Variants in OTUD7A observed in about 807,000 individuals in gnomAD.
OTUD7A encodes the protein OTU domain-containing protein 7A.
A neutral mutation model predicts 65.7 loss-of-function variants in OTUD7A; 12 were observed. The ratio of observed to expected loss-of-function variants is 0.18; its 90% confidence interval spans 0.12 to 0.30. The LOEUF is 0.30. OTUD7A is among the 10% of genes least tolerant of loss of function. OTUD7A has a pLI of 1.00. For synonymous variants in OTUD7A, 641 were observed against 586.3 expected (o/e 1.09, Z -1.35); for missense variants, 1,148 against 1,304.8 (o/e 0.88, Z 1.85).
At chr15:31,499,430 C>T (rs191815118) in intron 10 of OTUD7A, among the ~76,000 whole-genome samples, 6 of 152,332 alleles carry the variant, frequency 3.9e-5, no homozygotes, top group African/African-American at 7.2e-5. Context: ...TGCGACTTTG[C>T]GGTCTGGCCA....
At chr15:31,723,292 AT>A (rs2141351172) in intron 1 of OTUD7A, among the ~76,000 whole-genome samples, 1 of 151,712 alleles carries the variant, frequency 6.6e-6, no homozygotes, top group South Asian at 2.1e-4. Flanking sequence ...TCACCACACA[AT>A]CTGCCCTTGT....
intron 1 of OTUD7A, among the ~76,000 whole-genome samples, chr15:31,777,907 G>A (rs1895429813): frequency 6.6e-6 from 1 of 152,212 alleles, no homozygotes. Context: ...CAAGGCAGTG[G>A]CAGAGGGCAG....
At chr15:31,526,756 G>A (rs16956836) in intron 7 of OTUD7A, among the ~76,000 whole-genome samples, 6,371 of 152,254 alleles carry the variant, frequency 0.042, 277 homozygotes, top group African/African-American at 0.1. Flanking sequence ...GGGGCTGGCC[G>A]TTCAGATTCT....
At chr15:31,825,643 C>T (rs1178014887) in intron 1 of OTUD7A, among the ~76,000 whole-genome samples, 2 of 152,198 alleles carry the variant, frequency 1.3e-5, no homozygotes, top group Non-Finnish European at 2.9e-5. Context: ...AACAGTCCCC[C>T]AAAGTCTTAA....
intron 1 of OTUD7A, among the ~76,000 whole-genome samples, chr15:31,753,130 G>T (rs1211936595): frequency 1.3e-5 from 2 of 152,192 alleles, no homozygotes; most frequent in East Asian, 3.9e-4. Flanking sequence ...GCAGTTTGAT[G>T]CCACAAGCTT....
intron 1 of OTUD7A, among the ~76,000 whole-genome samples, chr15:31,725,949 C>A (rs1422023528): frequency 6.6e-6 from 1 of 152,100 alleles, no homozygotes; most frequent in African/African-American, 2.4e-5. Flanking sequence ...CTAACTTAAA[C>A]TAATTGAAAG....
At chr15:31,718,697 C>A (rs1240606274) in intron 1 of OTUD7A, among the ~76,000 whole-genome samples, 2 of 122,460 alleles carry the variant, frequency 1.6e-5, no homozygotes, top group East Asian at 4.1e-4. Flanking sequence ...AAACAGCCCA[C>A]TTAGAAGCTT....
chr15:31,850,078 TA>T (rs139231919), intron 1 of OTUD7A, among the ~76,000 whole-genome samples: 2,374 of 152,282 alleles, frequency 0.016, 64 homozygotes, highest in African/African-American at 0.054. Flanking sequence ...CCCAAAGGAT[TA>T]TAAATCATGC....
chr15:31,607,756 GGT>G (rs1342943601), intron 3 of OTUD7A, among the ~76,000 whole-genome samples: 5 of 152,164 alleles, frequency 3.3e-5, no homozygotes, highest in Admixed American at 2.0e-4. Context: ...ATGCTGTACA[GGT>G]TTGTAGCCTA....
At chr15:31,750,177 G>A (rs1304934736) in intron 1 of OTUD7A, among the ~76,000 whole-genome samples, 1 of 152,130 alleles carries the variant, frequency 6.6e-6, no homozygotes, top group East Asian at 1.9e-4. Context: ...GGAGGCTGAG[G>A]CGGGTGGATC....
intron 3 of OTUD7A, among the ~76,000 whole-genome samples, chr15:31,620,474 C>T (rs1890744533): frequency 6.6e-6 from 1 of 151,964 alleles, no homozygotes; most frequent in African/African-American, 2.4e-5. Context: ...AGAGATTCAA[C>T]TTCTTCCTGG....
chr15:31,586,080 G>C (rs1426488574), intron 3 of OTUD7A, among the ~76,000 whole-genome samples: 1 of 152,208 alleles, frequency 6.6e-6, no homozygotes, highest in Non-Finnish European at 1.5e-5. Flanking sequence ...TCACCCTATG[G>C]AGAAAGGCTC....
Position 31,484,544 on chromosome 15 carries a change from C to G in OTUD7A, c.1552G>C (p.Asp518His). The change falls in exon 13 of 13, where the codon GAC (aspartate) becomes CAC (histidine). Residue 518 changes from aspartate (D) to histidine (H), a missense_variant. Asp to His is a moderately conservative substitution (Grantham distance 81). This residue lies in a region of OTUD7A where 842 missense variants were observed against 769.5 expected (regional missense o/e 1.09). Transcript: ENST00000307050. This position sits in a 1 kb window ranked among gnomAD's most constrained non-coding sequence, Gnocchi z 4.5. ...QRKEKDKTRA[D>H]SVANKLGSFS... ...CTGCCCAGCTTGTTGGCCACGGAGT[C>G]GGCGCGCGTCTTGTCCTTCTCCTTG... 2 of 1,611,350 alleles carry G rather than the reference C, an allele frequency of 1.2e-6. No homozygotes were observed. The highest frequency in any genetic ancestry group is 1.7e-6 in the Non-Finnish European group (2 of 1,179,952).
In OTUD7A at chr15:31,654,985, C is replaced by G. The variant is rs1199906217; in HGVS notation, c.151+111G>C. On this transcript the variant is annotated intron_variant, in intron 3 of 12. Transcript: ENST00000307050. The stretch of plus-strand genomic sequence containing the variant: ...AATATCGGTAAGATGTAACACAAAG[C>G]AAAGCCCACTTAGTGCTCAAGTACC... The G allele has an allele frequency of 8.9e-6, 12 of 1,341,466 alleles. No individual in the cohort carries two copies. The East Asian group carries it at 3.1e-4, about 35-fold the overall frequency. The allele number at this position is 1,341,466 out of a possible 1,614,324, so 83.1% of individuals were successfully genotyped here.
At chr15:31,641,789 C>T (rs1014008557) in intron 3 of OTUD7A, among the ~76,000 whole-genome samples, 2 of 152,182 alleles carry the variant, frequency 1.3e-5, no homozygotes, top group Non-Finnish European at 2.9e-5. Context: ...GCTAACTTCA[C>T]TTACTAGTTC....
intron 3 of OTUD7A, among the ~76,000 whole-genome samples, chr15:31,591,110 C>A (rs754714194): frequency 6.6e-6 from 1 of 151,896 alleles, no homozygotes; most frequent in Non-Finnish European, 1.5e-5. Flanking sequence ...GGAAGCTTCC[C>A]GGGAGAGGAA....
At chr15:31,521,077 C>T (rs764480698) in intron 8 of OTUD7A, among the ~76,000 whole-genome samples, 4 of 152,038 alleles carry the variant, frequency 2.6e-5, no homozygotes, top group African/African-American at 9.7e-5. Context: ...GGCTAAACAA[C>T]GCGTACATAT....
chr15:31,548,433 G>C (rs1213746605), intron 5 of OTUD7A, among the ~76,000 whole-genome samples: 1 of 152,120 alleles, frequency 6.6e-6, no homozygotes, highest in African/African-American at 2.4e-5. Flanking sequence ...TCACGTGGCA[G>C]AAAGTATCCT....
chr15:31,500,349 G>A (rs2041450147), intron 10 of OTUD7A, among the ~76,000 whole-genome samples: 1 of 152,230 alleles, frequency 6.6e-6, no homozygotes, highest in South Asian at 2.1e-4. Flanking sequence ...GAACCATGAT[G>A]TGACATTCTT....
Sources: allele counts gnomAD v4.1 joint callset (sites outside exome capture counted in the v4.1 genomes callset), GRCh38; gene constraint gnomAD v4.1.1; regional missense constraint gnomAD v4.1.1; non-coding constraint Gnocchi (gnomAD v3.1); transcripts MANE v1.5; gene names NCBI Gene and HGNC (gene_info 2026-07-23, HGNC 2026-07-21).